The following KLK11 variants were observed in gnomAD, a reference collection of about 807,000 sequenced individuals.
The protein encoded by KLK11 is kallikrein-11.
KLK11 carries 10 observed loss-of-function variants against 23.4 expected under a neutral mutation model. The observed-to-expected ratio is 0.43, with a 90% CI of 0.26 to 0.73. The LOEUF (loss-of-function observed/expected upper bound fraction) is 0.73, where lower values mean the gene tolerates loss of function less well. KLK11 is among the 30% of genes least tolerant of loss of function. The pLI, the probability that KLK11 is intolerant of heterozygous loss-of-function variation, is 0.22. For missense variants in KLK11, 285 were observed against 327.8 expected (o/e 0.87, Z 1.01); for synonymous variants, 131 against 131.7 (o/e 0.99, Z 0.03).
rs542303846 is a variant in KLK11 at position 51,025,272 on chromosome 19, GA to G, written c.40+319del. On this transcript the variant is annotated intron_variant, in intron 2 of 5. Coordinates refer to ENST00000453757, the MANE Select transcript of KLK11 (RefSeq NM_001136032.3). This position sits in a 1 kb window ranked among gnomAD's most constrained non-coding sequence, Gnocchi z 6.2. Reference sequence around the variant, plus strand: ...CAATAGAGCAAGACTTTGTCTCTGGGAAAAAAAAAAAAGGAAATACTTCCAT... The same window carrying G: ...CAATAGAGCAAGACTTTGTCTCTGGGAAAAAAAAAAAGGAAATACTTCCAT... Among the ~76,000 whole-genome samples, 4,905 of 144,778 alleles carry G rather than the reference GA, an allele frequency of 0.034. 266 individuals carry two copies. Among genetic ancestry groups the G allele is most frequent in the African/African-American group, 0.11 (4,447 of 39,726 alleles). The allele number at this position is 144,778 out of a possible 152,430, so 95.0% of individuals were successfully genotyped here.
chr19:51,024,946 G>C lies in KLK11; in HGVS notation c.41-152C>G. 1.6e-6 allele frequency: 1 copy of C among 641,346 alleles called. No individual in the cohort carries two copies. The highest frequency in any genetic ancestry group is 3.3e-5 in the East Asian group (1 of 30,440). 39.7% of individuals were successfully genotyped at this position (641,346 alleles called of 1,614,324 possible). A position where few individuals can be genotyped will look rare whatever the true frequency, so the allele number is the denominator to read the frequency against. Reference sequence around the variant, plus strand: ...CTGGGTTGCCCTGGATGCTGGGGTCGGGTATTAAAGGATGAAAATACTTCC... The same window carrying C: ...CTGGGTTGCCCTGGATGCTGGGGTCCGGTATTAAAGGATGAAAATACTTCC... On this transcript the variant is annotated intron_variant, in intron 2 of 5. Coordinates refer to ENST00000453757, the MANE Select transcript of KLK11 (RefSeq NM_001136032.3). This position sits in a 1 kb window ranked among gnomAD's most constrained non-coding sequence, Gnocchi z 6.2.
chr19:51,027,339 CA>C, upstream of KLK11: 1 of 1,043,026 alleles, frequency 9.6e-7, no homozygotes, highest in Non-Finnish European at 1.5e-6. Context: ...GGAAAGGGAA[CA>C]GAGCCCTTGG....
In KLK11 at chr19:51,025,977, A is replaced by G. The variant is rs571999906; in HGVS notation, c.-35-311T>C. 3.9e-5 allele frequency among the ~76,000 whole-genome samples: 6 copies of G among 152,270 alleles called. No individual in the cohort carries two copies. The highest frequency in any genetic ancestry group is 6.5e-5 in the Admixed American group (1 of 15,302). On this transcript the variant is annotated intron_variant, in intron 1 of 5. Coordinates refer to ENST00000453757, the MANE Select transcript of KLK11 (RefSeq NM_001136032.3). This position sits in a 1 kb window ranked among gnomAD's most constrained non-coding sequence, Gnocchi z 6.2. ...TGGTTCGGCCCTGTTCAAGTCAGCC[A>G]TGGGACCTCCCCGGCACATGTCAGA...
chr19:51,023,837 T>G, intron 4 of KLK11: 1 of 474,390 alleles, frequency 2.1e-6, no homozygotes, highest in Non-Finnish European at 3.7e-6. Flanking sequence ...AACCAGGAGG[T>G]TATGGATGTA....
chr19:51,027,226 G>C (rs963166043), upstream of KLK11: 17 of 524,530 alleles, frequency 3.2e-5, no homozygotes, highest in Admixed American at 1.3e-4. Flanking sequence ...TGCAAGGAGA[G>C]GGGGGGTGTG....
In KLK11 at chr19:51,023,085, C is replaced by T; in HGVS notation, c.600+7G>A. 1.2e-6 allele frequency: 2 copies of T among 1,601,350 alleles called. No homozygotes were observed. Among genetic ancestry groups the T allele is most frequent in the South Asian group, 1.1e-5 (1 of 88,694 alleles). ...GGGATGGGGCTGTGGTTGGAGACCA[C>T]ACTGACCTGGCAGGAGTCCTTGCCC... On this transcript the variant is annotated splice_region_variant and intron_variant, in intron 5 of 5. Coordinates refer to ENST00000453757, the MANE Select transcript of KLK11 (RefSeq NM_001136032.3).
rs114498957 is a variant in KLK11, at chr19:51,023,801, G to A, written c.463+244C>T. On this transcript the variant is annotated intron_variant, in intron 4 of 5. Transcript: ENST00000453757. ...GAGAAGAAAATCAAGATTCAGAGAG[G>A]TGAAGCTGCTTGCCTAAGGTCTTAC... 1,145 of 422,078 alleles carry A rather than the reference G, an allele frequency of 2.7e-3. 10 individuals carry two copies. The highest frequency in any genetic ancestry group is 0.021 in the African/African-American group (1,056 of 49,668). 26.1% of individuals were successfully genotyped at this position (422,078 alleles called of 1,614,324 possible). A position where few individuals can be genotyped will look rare whatever the true frequency, so the allele number is the denominator to read the frequency against.
upstream of KLK11, chr19:51,027,550 C>T: frequency 1.9e-6 from 3 of 1,613,410 alleles, no homozygotes; most frequent in Non-Finnish European, 2.5e-6. Context: ...CCTGCTTCTC[C>T]CAGCTTGTTT....
Position 51,024,854 on chromosome 19 carries a change from C to A in KLK11, c.41-60G>T, listed in dbSNP as rs1007670601. The A allele has an allele frequency of 8.9e-6, 13 of 1,453,204 alleles. No individual in the cohort carries two copies. In the African/African-American group the frequency reaches 1.3e-4, roughly 15 times the overall value. 90.0% of individuals were successfully genotyped at this position (1,453,204 alleles called of 1,614,324 possible). A position where few individuals can be genotyped will look rare whatever the true frequency, so the allele number is the denominator to read the frequency against. ...AAGGAGAGGTGGTAGACCAGGAGGACTCCCAGAAATGGGGGTGGGGAGGAG... is the reference window on the plus strand; with the variant it reads ...AAGGAGAGGTGGTAGACCAGGAGGAATCCCAGAAATGGGGGTGGGGAGGAG... On this transcript the variant is annotated intron_variant, in intron 2 of 5. Transcript: ENST00000453757. The surrounding 1 kb of genome is among the most constrained non-coding windows in gnomAD (Gnocchi z 6.2).
Position 51,025,689 on chromosome 19 carries a change from G to A in KLK11, c.-35-23C>T, listed in dbSNP as rs1446062499. 8.1e-6 allele frequency: 11 copies of A among 1,362,590 alleles called. No individual in the cohort carries two copies. The highest frequency in any genetic ancestry group is 1.0e-5 in the Non-Finnish European group (10 of 993,278). The allele number at this position is 1,362,590 out of a possible 1,614,324, so 84.4% of individuals were successfully genotyped here. On this transcript the variant is annotated intron_variant, in intron 1 of 5. Transcript: ENST00000453757. This position sits in a 1 kb window ranked among gnomAD's most constrained non-coding sequence, Gnocchi z 6.2. Reference sequence around the variant, plus strand: ...CCTCTGGGAACAAGGAGGGACATGGGGCCGCATCACTTTACGGGGAAATCG... The same window carrying A: ...CCTCTGGGAACAAGGAGGGACATGGAGCCGCATCACTTTACGGGGAAATCG...
chr19:51,026,469 G>T (rs896372684), intron 1 of KLK11, 69 bp downstream of exon 1: 16 of 695,124 alleles, frequency 2.3e-5, no homozygotes, highest in Non-Finnish European at 2.7e-5. Flanking sequence ...GCCCGAGTGG[G>T]ACAGGTGTCC....
rs774016637 is a variant in KLK11 at position 51,024,372 on chromosome 19, T to G, written c.198-62A>C. On this transcript the variant is annotated intron_variant, in intron 3 of 5. Transcript: ENST00000453757. This position sits in a 1 kb window ranked among gnomAD's most constrained non-coding sequence, Gnocchi z 6.2. ...TCGGGGGAGACATGGGTGGGAGAGG[T>G]GAGTGACACCTTTGAGGATGAAGAA... The G allele has an allele frequency of 1.3e-6, 2 of 1,584,830 alleles. No homozygotes were observed. The highest frequency in any genetic ancestry group is 1.7e-6 in the Non-Finnish European group (2 of 1,166,968).
rs1004230794 is a variant in KLK11 at position 51,024,447 on chromosome 19, C to T, written c.198-137G>A. 2.8e-6 allele frequency: 4 copies of T among 1,417,550 alleles called. No homozygotes were observed. The highest frequency in any genetic ancestry group is 3.8e-6 in the Non-Finnish European group (4 of 1,056,568). The allele number at this position is 1,417,550 out of a possible 1,614,324, so 87.8% of individuals were successfully genotyped here. ...CCACGTCTCCCACCGAAGCCCCCTT[C>T]CCAGCCATAGCCCCATCCCAACCCC... is the stretch of plus-strand genomic sequence containing the variant. On this transcript the variant is annotated intron_variant, in intron 3 of 5. Transcript: ENST00000453757. The surrounding 1 kb of genome is among the most constrained non-coding windows in gnomAD (Gnocchi z 6.2).
At chr19:51,023,401 T>C (rs1600150214) in intron 4 of KLK11, 173 bp from the exon 5 acceptor site, 27 of 689,250 alleles carry the variant, frequency 3.9e-5, no homozygotes, top group Middle Eastern at 4.5e-4. Flanking sequence ...TTTTTTTTTT[T>C]CGAGACAGAG....
Position 51,025,480 on chromosome 19 carries a change from A to C in KLK11, c.40+112T>G, listed in dbSNP as rs1452228756. ...ACCACTGCTCCAGTTCAGGTGCCTT[A>C]TGGGTTGTTCTGTAATTTGGAATCA... On this transcript the variant is annotated intron_variant, in intron 2 of 5. Transcript: ENST00000453757. This position sits in a 1 kb window ranked among gnomAD's most constrained non-coding sequence, Gnocchi z 6.2. 2 of 639,352 alleles carry C rather than the reference A, an allele frequency of 3.1e-6. No homozygotes were observed. The highest frequency in any genetic ancestry group is 5.1e-6 in the Non-Finnish European group (2 of 391,052). 39.6% of individuals were successfully genotyped at this position (639,352 alleles called of 1,614,324 possible).
Position 51,024,198 on chromosome 19 carries a change from TG to T in KLK11, c.309del (p.Asn104ThrfsTer11). On this transcript the variant is annotated frameshift_variant, in exon 4 of 6. Coordinates refer to ENST00000453757, the MANE Select transcript of KLK11 (RefSeq NM_001136032.3). LOFTEE classifies it high-confidence loss of function. This position sits in a 1 kb window ranked among gnomAD's most constrained non-coding sequence, Gnocchi z 6.2. ...FPHPGFNNSL[P>X]NKDHRNDIML... ...ATGATGTCATTGCGGTGGTCTTTGT[TG>T]GGGAGGCTGTTGTTGAAGCCGGGGT... 2 of 1,613,808 alleles carry T rather than the reference TG, an allele frequency of 1.2e-6. No individual in the cohort carries two copies. Among genetic ancestry groups the T allele is most frequent in the Non-Finnish European group, 1.7e-6 (2 of 1,179,938 alleles).
intron 4 of KLK11, 142 bp from the exon 5 acceptor site, chr19:51,023,370 G>C: frequency 2.9e-5 from 23 of 793,544 alleles, no homozygotes; most frequent in Non-Finnish European, 4.2e-5. Flanking sequence ...AATAGCAACA[G>C]CAATGCTATC....
Position 51,024,883 on chromosome 19 carries a change from A to C in KLK11, c.41-89T>G. ...CAGAAATGGGGGTGGGGAGGAGAGA[A>C]AGAGAGTGGGTGGTCTGGGCCCTGG... On this transcript the variant is annotated intron_variant, in intron 2 of 5. Transcript: ENST00000453757. This position sits in a 1 kb window ranked among gnomAD's most constrained non-coding sequence, Gnocchi z 6.2. 7.7e-7 allele frequency: 1 copy of C among 1,295,394 alleles called. No homozygotes were observed. The highest frequency in any genetic ancestry group is 1.5e-5 in the African/African-American group (1 of 65,076). 80.2% of individuals were successfully genotyped at this position (1,295,394 alleles called of 1,614,324 possible). A position where few individuals can be genotyped will look rare whatever the true frequency, so the allele number is the denominator to read the frequency against.
At position 51,022,606 on chromosome 19, in the gene KLK11, C is replaced by G. The variant is rs2091417505; in HGVS notation, c.692G>C (p.Gly231Ala). ...ATATTTGCAGACTTTCGTGTAGACA[C>G]CAGGCTTTCGGGTGATCGCACACGG... ...QDPCAITRKP[G>A]VYTKVCKYVD... The change falls in exon 6 of 6, where the codon GGT becomes GCT. Residue 231 changes from glycine (G) to alanine (A), a missense_variant. Transcript: ENST00000453757. 1 of 1,613,852 alleles carries G rather than the reference C, an allele frequency of 6.2e-7. No individual in the cohort carries two copies. Among genetic ancestry groups the G allele is most frequent in the African/African-American group, 1.3e-5 (1 of 74,890 alleles).
Sources: gnomAD v4.1 joint callset for allele counts (sites outside exome capture counted in the v4.1 genomes callset) on GRCh38, gnomAD v4.1.1 for gene constraint, Gnocchi (gnomAD v3.1) non-coding constraint, MANE v1.5 for transcripts, NCBI Gene and HGNC (gene_info 2026-07-23, HGNC 2026-07-21) for gene names.